OR9Q1: variants seen among roughly 807,000 people sequenced by gnomAD.
OR9Q1 encodes olfactory receptor 9Q1.
For synonymous variants in OR9Q1, 153 were observed against 148.6 expected (o/e 1.03, Z -0.22); for missense variants, 374 against 378.8 (o/e 0.99, Z 0.11).
At chr11:58,116,325 C>T (rs1194388664) in intron 2 of OR9Q1, among the ~76,000 whole-genome samples, 1 of 152,146 alleles carries the variant, frequency 6.6e-6, no homozygotes, top group East Asian at 1.9e-4. Flanking sequence ...CATTCTGTAC[C>T]CATATCCTAG....
At chr11:58,128,205 T>C (rs1854107350) in intron 2 of OR9Q1, among the ~76,000 whole-genome samples, 1 of 149,608 alleles carries the variant, frequency 6.7e-6, no homozygotes, top group South Asian at 2.1e-4. Context: ...TATTTCAATA[T>C]TTATAGTAGA....
intron 2 of OR9Q1, among the ~76,000 whole-genome samples, chr11:58,143,206 C>T (rs1410514800): frequency 6.6e-6 from 1 of 152,158 alleles, no homozygotes; most frequent in Non-Finnish European, 1.5e-5. Context: ...GTGTGTCAGA[C>T]CATGTGCAAC....
intron 2 of OR9Q1, among the ~76,000 whole-genome samples, chr11:58,106,709 A>T (rs553367834): frequency 6.6e-6 from 1 of 152,126 alleles, no homozygotes; most frequent in East Asian, 1.9e-4. Flanking sequence ...TCTTTTGCAT[A>T]GTGACATGCA....
intron 2 of OR9Q1, among the ~76,000 whole-genome samples, chr11:58,069,045 TGTGA>T (rs1034530490): frequency 1.3e-5 from 2 of 152,166 alleles, no homozygotes; most frequent in Non-Finnish European, 2.9e-5. Flanking sequence ...TGTCTCCGCC[TGTGA>T]GTGACAGTCC....
rs547923104 is a variant in OR9Q1 at position 58,143,806 on chromosome 11, C to T, written c.-14-35625C>T. Among the ~76,000 whole-genome samples, 229 of 152,176 alleles carry T rather than the reference C, an allele frequency of 1.5e-3. 1 individual carries two copies. Among genetic ancestry groups the T allele is most frequent in the African/African-American group, 5.1e-3 (212 of 41,510 alleles). On this transcript the variant is annotated intron_variant, in intron 2 of 2. Transcript: ENST00000335397. ...AGGTGCAGCAAACCACCATGACACACATTTACCTATGTAACAAGCTGGCAC... is the reference window on the plus strand; with the variant it reads ...AGGTGCAGCAAACCACCATGACACATATTTACCTATGTAACAAGCTGGCAC...
At chr11:58,099,168 T>A (rs1038537092) in intron 2 of OR9Q1, among the ~76,000 whole-genome samples, 29 of 151,690 alleles carry the variant, frequency 1.9e-4, no homozygotes, top group African/African-American at 6.7e-4. Flanking sequence ...TAGCATTTCC[T>A]ATATATCAAA....
intron 2 of OR9Q1, chr11:58,073,135 CA>C: frequency 4.6e-6 from 1 of 215,176 alleles, no homozygotes; most frequent in Non-Finnish European, 1.0e-5. Flanking sequence ...GCAAATGGAT[CA>C]AAATCAGTAT....
intron 2 of OR9Q1, among the ~76,000 whole-genome samples, chr11:58,089,164 C>A (rs1308134949): frequency 6.6e-6 from 1 of 151,864 alleles, no homozygotes; most frequent in Non-Finnish European, 1.5e-5. Flanking sequence ...AAGCGTGAGC[C>A]ACCATGCCCA....
At chr11:58,142,744 T>C (rs1329758626) in intron 2 of OR9Q1, among the ~76,000 whole-genome samples, 2 of 152,200 alleles carry the variant, frequency 1.3e-5, no homozygotes, top group Non-Finnish European at 2.9e-5. Flanking sequence ...GATAGTATTT[T>C]CCCAATACCT....
intron 1 of OR9Q1, among the ~76,000 whole-genome samples, chr11:58,025,305 C>G (rs529375952): frequency 6.6e-6 from 1 of 152,310 alleles, no homozygotes; most frequent in African/African-American, 2.4e-5. Context: ...TCCTGAGTAG[C>G]TGGGGTGCCC....
At chr11:58,104,758 G>C (rs1328534409) in intron 2 of OR9Q1, among the ~76,000 whole-genome samples, 1 of 152,128 alleles carries the variant, frequency 6.6e-6, no homozygotes, top group African/African-American at 2.4e-5. Flanking sequence ...TGAATTTGTA[G>C]TTTTTTATCC....
At position 58,128,638 on chromosome 11, in the gene OR9Q1, TA is replaced by T. The variant is rs994533065; in HGVS notation, c.-14-50784del. ...TCAGAGTGGGAAATTTACTTAACAT[TA>T]AAAAAAAATTTTTGTGGAAGTGCCC... On this transcript the variant is annotated intron_variant, in intron 2 of 2. Transcript: ENST00000335397. Among the ~76,000 whole-genome samples the T allele has an allele frequency of 7.2e-5, 11 of 151,804 alleles. No homozygotes were observed. The East Asian group carries it at 7.7e-4, about 11-fold the overall frequency.
intron 2 of OR9Q1, chr11:58,145,410 TC>T (rs1854291326): frequency 2.0e-5 from 3 of 152,268 alleles, no homozygotes; most frequent in Admixed American, 6.5e-5. Context: ...GATAAGGGTT[TC>T]CCAAGCAGAG....
At chr11:58,148,552 T>TG (rs1274317761) in intron 2 of OR9Q1, among the ~76,000 whole-genome samples, 1 of 152,186 alleles carries the variant, frequency 6.6e-6, no homozygotes, top group African/African-American at 2.4e-5. Context: ...AGAACAGAGC[T>TG]GCCCAAGCCC....
intron 2 of OR9Q1, chr11:58,117,657 C>T (rs990615772): frequency 6.6e-6 from 1 of 152,150 alleles, no homozygotes; most frequent in African/African-American, 2.4e-5. Flanking sequence ...TGTTGGTGCT[C>T]TCTGATTTGC....
intron 2 of OR9Q1, among the ~76,000 whole-genome samples, chr11:58,165,896 A>G (rs1179854375): frequency 6.6e-6 from 1 of 152,232 alleles, no homozygotes; most frequent in Non-Finnish European, 1.5e-5. Context: ...AAGTTATCAG[A>G]TTGAACAAAG....
At chr11:58,077,746 A>G (rs1401533928) in intron 2 of OR9Q1, 3 of 152,236 alleles carry the variant, frequency 2.0e-5, no homozygotes, top group Non-Finnish European at 2.9e-5. Flanking sequence ...CAGGGGCAGG[A>G]TGTGACAGAA....
At chr11:58,067,220 T>C (rs1004085558) in intron 2 of OR9Q1, among the ~76,000 whole-genome samples, 3 of 152,010 alleles carry the variant, frequency 2.0e-5, no homozygotes, top group Non-Finnish European at 2.9e-5. Flanking sequence ...GTGTTTTTAG[T>C]AGAGACAGGG....
Position 58,045,513 on chromosome 11 carries a change from C to T in OR9Q1, c.-92-10357C>T, listed in dbSNP as rs185602950. Among the ~76,000 whole-genome samples, 455 of 152,276 alleles carry T rather than the reference C, an allele frequency of 3.0e-3. 5 individuals are homozygous for T. Among genetic ancestry groups the T allele is most frequent in the African/African-American group, 9.8e-3 (408 of 41,540 alleles). The stretch of plus-strand genomic sequence containing the variant: ...CCTCCAAAAGTGCTGAGATCACAGA[C>T]GTGAGCCACCACGCCTGGCCATAAT... On this transcript the variant is annotated intron_variant, in intron 1 of 2. Transcript: ENST00000335397.
Sources: gnomAD v4.1 joint callset for allele counts (sites outside exome capture counted in the v4.1 genomes callset) on GRCh38, gnomAD v4.1.1 for gene constraint, MANE v1.5 for transcripts, NCBI Gene and HGNC (gene_info 2026-07-23, HGNC 2026-07-21) for gene names.